Variants in SLFN12L observed in about 807,000 individuals in gnomAD.
The protein encoded by SLFN12L is schlafen family member 12 like, also known as schlafen family member 12-like.
Under a neutral mutation model 34.8 loss-of-function variants are expected in SLFN12L, and 34 were observed. That is an observed-to-expected ratio of 0.98 (90% CI 0.74 to 1.30). The LOEUF (loss-of-function observed/expected upper bound fraction) is 1.30, where lower values mean the gene tolerates loss of function less well. Ranked by LOEUF, SLFN12L falls within the 50% of genes most tolerant of loss-of-function variation. The pLI is 0.00. For missense variants in SLFN12L, 703 were observed against 696.2 expected, an observed-to-expected ratio of 1.01 and a Z score of -0.11; for synonymous variants, 259 against 247.5, an observed-to-expected ratio of 1.05 and a Z score of -0.44.
rs1913740232 is a variant in SLFN12L at position 35,467,861 on chromosome 17, C to T, written c.*7062G>A. On this transcript the variant is annotated 3_prime_UTR_variant, in exon 5 of 5. Coordinates refer to ENST00000628453, the MANE Select transcript of SLFN12L (RefSeq NM_001363830.2). Reference sequence around the variant, plus strand: ...ACCAAAACTCTGTCAAATGCAGCTGCACACCATTCTGTTTTCTGTTTATCT... The same window carrying T: ...ACCAAAACTCTGTCAAATGCAGCTGTACACCATTCTGTTTTCTGTTTATCT... Among the ~76,000 whole-genome samples the T allele has an allele frequency of 6.6e-6, 1 of 152,162 alleles. No homozygotes were observed. The highest frequency in any genetic ancestry group is 1.5e-5 in the Non-Finnish European group (1 of 68,012).
At chr17:35,512,553 A>G (rs1366859661) in intron 2 of SLFN12L, among the ~76,000 whole-genome samples, 1 of 152,078 alleles carries the variant, frequency 6.6e-6, no homozygotes, top group African/African-American at 2.4e-5. Flanking sequence ...TTTTTAGTAC[A>G]GACGGGGTTT....
At chr17:35,518,674 C>G (rs997735369) in intron 2 of SLFN12L, among the ~76,000 whole-genome samples, 2 of 151,652 alleles carry the variant, frequency 1.3e-5, no homozygotes, top group Non-Finnish European at 2.9e-5. Context: ...GTTAGAATGA[C>G]GATTATTAAA....
In SLFN12L at chr17:35,469,845, C is replaced by T. The variant is rs1913776944; in HGVS notation, c.*5078G>A. Among the ~76,000 whole-genome samples the T allele has an allele frequency of 6.6e-6, 1 of 152,150 alleles. No homozygotes were observed. Among genetic ancestry groups the T allele is most frequent in the Non-Finnish European group, 1.5e-5 (1 of 68,028 alleles). On this transcript the variant is annotated 3_prime_UTR_variant, in exon 5 of 5. Transcript: ENST00000628453. ...GGGACCGTCCCTAGGCCCCAAAGCC[C>T]ATCAGAATTATTCAAACTATTGAGT...
chr17:35,529,567 C>T (rs1463335758), intron 1 of SLFN12L, among the ~76,000 whole-genome samples: 1 of 152,030 alleles, frequency 6.6e-6, no homozygotes, highest in Non-Finnish European at 1.5e-5. Context: ...AGCTGGAAAC[C>T]ATCATTCTCA....
chr17:35,470,672 C>CTT lies in SLFN12L; in HGVS notation c.*4249_*4250dup, dbSNP rs35473316. On this transcript the variant is annotated 3_prime_UTR_variant, in exon 5 of 5. Coordinates refer to ENST00000628453, the MANE Select transcript of SLFN12L (RefSeq NM_001363830.2). ...GAACATGCTCCCACTGTTTTAAGTTCTTTTTTTTTTTTTTAATTTTTATTA... is the reference window on the plus strand; with the variant it reads ...GAACATGCTCCCACTGTTTTAAGTTCTTTTTTTTTTTTTTTTAATTTTTATTA... 0.19 allele frequency: 27,813 copies of CTT among 146,880 alleles called. 2,927 individuals are homozygous for CTT. The highest frequency in any genetic ancestry group is 0.3 in the Middle Eastern group (87 of 286). 9.1% of individuals were successfully genotyped at this position (146,880 alleles called of 1,614,324 possible). A position where few individuals can be genotyped will look rare whatever the true frequency, so the allele number is the denominator to read the frequency against.
Position 35,536,535 on chromosome 17 carries a change from G to A in SLFN12L, c.-606+1038C>T, listed in dbSNP as rs141089051. Among the ~76,000 whole-genome samples the A allele has an allele frequency of 5.7e-4, 87 of 152,238 alleles. 1 individual carries two copies. In the East Asian group the frequency reaches 0.015, roughly 26 times the overall value. On this transcript the variant is annotated intron_variant, in intron 1 of 4. Transcript: ENST00000628453. ...TACGAAAAACAAAAAAACACAGTTG[G>A]GCTCAGTGGCTCATGCATGTAATCC... is the stretch of plus-strand genomic sequence containing the variant.
chr17:35,517,708 C>T (rs1042550788), intron 2 of SLFN12L, among the ~76,000 whole-genome samples: 10 of 152,154 alleles, frequency 6.6e-5, no homozygotes, highest in African/African-American at 2.4e-4. Context: ...GATACATCAA[C>T]CAATGAAACA....
At position 35,480,133 on chromosome 17, in the gene SLFN12L, T is replaced by C. The variant is rs760556010; in HGVS notation, c.149A>G (p.Asp50Gly). Residue 50 changes from aspartate to glycine, a missense_variant, in exon 3 of 5, where the codon GAC becomes GGC. Physicochemically the swap from Asp to Gly is moderately conservative, Grantham distance 94. Coordinates refer to ENST00000628453, the MANE Select transcript of SLFN12L (RefSeq NM_001363830.2). ...TAGAACCAGCTCAGCATAGTTTGTG[T>C]CTAAATCAATACTGATGTTCATTTT... ...AGKMNISIDL[D>G]TNYAELVLNV... 6.2e-7 allele frequency: 1 copy of C among 1,613,114 alleles called. No individual in the cohort carries two copies. The highest frequency in any genetic ancestry group is 1.1e-5 in the South Asian group (1 of 90,758).
At chr17:35,523,084 AT>A (rs1359605144) in intron 1 of SLFN12L, 115 bp from the exon 2 acceptor site, 2 of 252,868 alleles carry the variant, frequency 7.9e-6, no homozygotes, top group Non-Finnish European at 1.5e-5. Context: ...TATTTCAAAT[AT>A]TCTTCTATAA....
chr17:35,507,423 C>A (rs1044986334), intron 2 of SLFN12L, among the ~76,000 whole-genome samples: 2 of 152,116 alleles, frequency 1.3e-5, no homozygotes, highest in African/African-American at 4.8e-5. Context: ...CTATTCTGGC[C>A]CAGCAAGAAA....
At chr17:35,528,484 T>C (rs2072359961) in intron 1 of SLFN12L, among the ~76,000 whole-genome samples, 1 of 152,194 alleles carries the variant, frequency 6.6e-6, no homozygotes, top group South Asian at 2.1e-4. Flanking sequence ...ATGGTGCTGG[T>C]ACCAAAACAG....
rs1325299647 is a variant in SLFN12L at position 35,479,428 on chromosome 17, T to C, written c.854A>G (p.Glu285Gly). 3 of 1,613,956 alleles carry C rather than the reference T, an allele frequency of 1.9e-6. No homozygotes were observed. Among genetic ancestry groups the C allele is most frequent in the Non-Finnish European group, 2.5e-6 (3 of 1,179,990 alleles). Residue 285 changes from glutamate (E) to glycine (G), a missense_variant, in exon 3 of 5, where the codon GAA (glutamate) becomes GGA (glycine). By Grantham distance (98) the Glu-to-Gly change is moderately conservative. Coordinates refer to ENST00000628453, the MANE Select transcript of SLFN12L (RefSeq NM_001363830.2). ...TTTAAAGCCAATTACTTCTTTATCTTCATTTAGACCAACGAATAAATATCC... is the reference window on the plus strand; with the variant it reads ...TTTAAAGCCAATTACTTCTTTATCTCCATTTAGACCAACGAATAAATATCC... Reference protein sequence around the residue: ...DGGYLFVGLNEDKEVIGFKAE... With the variant: ...DGGYLFVGLNGDKEVIGFKAE...
intron 2 of SLFN12L, among the ~76,000 whole-genome samples, chr17:35,520,826 C>G (rs373908080): frequency 6.6e-6 from 1 of 152,108 alleles, no homozygotes; most frequent in Non-Finnish European, 1.5e-5. Flanking sequence ...CATGCACATG[C>G]ACAACCCCCT....
intron 1 of SLFN12L, among the ~76,000 whole-genome samples, chr17:35,534,732 A>G (rs1294460823): frequency 6.6e-6 from 1 of 152,230 alleles, no homozygotes; most frequent in Non-Finnish European, 1.5e-5. Flanking sequence ...GGAGCTGTTT[A>G]TGAGATACTG....
At chr17:35,492,767 C>T (rs1914885895) in intron 2 of SLFN12L, among the ~76,000 whole-genome samples, 1 of 152,130 alleles carries the variant, frequency 6.6e-6, no homozygotes. Flanking sequence ...GTGGTCATCT[C>T]CCACTGGGAA....
At chr17:35,537,111 T>A (rs2072469655) in intron 1 of SLFN12L, among the ~76,000 whole-genome samples, 1 of 151,892 alleles carries the variant, frequency 6.6e-6, no homozygotes, top group Non-Finnish European at 1.5e-5. Context: ...CCCTGGAAGG[T>A]CGAAGCTGCA....
At position 35,474,863 on chromosome 17, in the gene SLFN12L, AGAGGTTGCAGT is replaced by A; in HGVS notation, c.*49_*59del. The stretch of plus-strand genomic sequence containing the variant: ...AGGGAATTGCTTGAACCCAGGAGGC[AGAGGTTGCAGT>A]GAGTCGAGATCGTGTCACTACACTC... On this transcript the variant is annotated 3_prime_UTR_variant, in exon 5 of 5. Coordinates refer to ENST00000628453, the MANE Select transcript of SLFN12L (RefSeq NM_001363830.2). 6.9e-7 allele frequency: 1 copy of A among 1,454,586 alleles called. No individual in the cohort carries two copies. The highest frequency in any genetic ancestry group is 9.1e-7 in the Non-Finnish European group (1 of 1,103,918). 90.1% of individuals were successfully genotyped at this position (1,454,586 alleles called of 1,614,324 possible). A position where few individuals can be genotyped will look rare whatever the true frequency, so the allele number is the denominator to read the frequency against.
chr17:35,519,881 A>G (rs191000664), intron 2 of SLFN12L, among the ~76,000 whole-genome samples: 1 of 152,272 alleles, frequency 6.6e-6, no homozygotes, highest in African/African-American at 2.4e-5. Context: ...AAAAACCTTA[A>G]AAGTTGAATT....
At position 35,478,074 on chromosome 17, in the gene SLFN12L, C is replaced by T; in HGVS notation, c.1276+1G>A. The stretch of plus-strand genomic sequence containing the variant: ...CTCCACGGAAGCCAGAATTAAATTA[C>T]CTGGAAGGTGATATCTCAGTGGCTG... On this transcript the variant is annotated splice_donor_variant, in intron 4 of 4. Coordinates refer to ENST00000628453, the MANE Select transcript of SLFN12L (RefSeq NM_001363830.2). LOFTEE classifies it high-confidence loss of function. The T allele has an allele frequency of 6.6e-7, 1 of 1,522,640 alleles. No individual in the cohort carries two copies. Among genetic ancestry groups the T allele is most frequent in the Non-Finnish European group, 8.9e-7 (1 of 1,122,730 alleles). The allele number at this position is 1,522,640 out of a possible 1,614,324, so 94.3% of individuals were successfully genotyped here.
Sources: gnomAD v4.1 joint callset for allele counts (sites outside exome capture counted in the v4.1 genomes callset) on GRCh38, gnomAD v4.1.1 for gene constraint, MANE v1.5 for transcripts, NCBI Gene and HGNC (gene_info 2026-07-23, HGNC 2026-07-21) for gene names.